ACOX1: variants seen among roughly 807,000 people sequenced by gnomAD.
The protein encoded by ACOX1 is peroxisomal acyl-coenzyme A oxidase 1.
ACOX1 carries 41 observed loss-of-function variants against 75.5 expected under a neutral mutation model. The ratio of observed to expected loss-of-function variants is 0.54; its 90% CI spans 0.42 to 0.70. The LOEUF (loss-of-function observed/expected upper bound fraction) is 0.70, where lower values mean the gene tolerates loss of function less well. Ranked by LOEUF, ACOX1 falls within the 30% of genes least tolerant of loss-of-function variation. The pLI, the probability that ACOX1 is intolerant of heterozygous loss-of-function variation, is 0.00. For missense variants in ACOX1, 630 were observed against 837.5 expected (o/e 0.75, Z 3.06); for synonymous variants, 303 against 298.8 (o/e 1.01, Z -0.15).
Position 75,948,515 on chromosome 17 carries a change from T to G in ACOX1, c.1729-58A>C, listed in dbSNP as rs2666005. On this transcript the variant is annotated intron_variant, in intron 12 of 13. Coordinates refer to ENST00000293217, the MANE Select transcript of ACOX1 (RefSeq NM_004035.7). ...ATATATGTATATAGATAGACATAAT[T>G]ATATGCATATACAGCTATAAAGCGG... The G allele has an allele frequency of 0.26, 362,410 of 1,402,386 alleles. 47,374 individuals carry two copies. Among genetic ancestry groups the G allele is most frequent in the Middle Eastern group, 0.33 (1,494 of 4,588 alleles). The allele number at this position is 1,402,386 out of a possible 1,614,324, so 86.9% of individuals were successfully genotyped here.
intron 13 of ACOX1, among the ~76,000 whole-genome samples, chr17:75,947,731 CAG>C (rs2065735033): frequency 7.2e-6 from 1 of 139,424 alleles, no homozygotes; most frequent in African/African-American, 2.7e-5. Context: ...TTTTTTGAGA[CAG>C]AGTTTTGCTC....
rs2065760308 is a variant in ACOX1 at position 75,950,057 on chromosome 17, C to A, written c.1299-160G>T. Among the ~76,000 whole-genome samples the A allele has an allele frequency of 6.6e-6, 1 of 152,112 alleles. No homozygotes were observed. Among genetic ancestry groups the A allele is most frequent in the African/African-American group, 2.4e-5 (1 of 41,398 alleles). On this transcript the variant is annotated intron_variant, in intron 9 of 13. Coordinates refer to ENST00000293217, the MANE Select transcript of ACOX1 (RefSeq NM_004035.7). The surrounding 1 kb of genome is among the most constrained non-coding windows in gnomAD (Gnocchi z 4.3). ...TGGGTTCAAATGAATGATTCTCCTG[C>A]CTCAGCCTCCCAAGTAGCTGGGACT...
At chr17:75,961,168 C>T (rs2144273875) in intron 2 of ACOX1, among the ~76,000 whole-genome samples, 1 of 151,052 alleles carries the variant, frequency 6.6e-6, no homozygotes, top group Non-Finnish European at 1.5e-5. Flanking sequence ...TGGTGCACAC[C>T]TGTAATCCCA....
chr17:75,971,741 C>CAAAAA (rs11324447), intron 2 of ACOX1, among the ~76,000 whole-genome samples: 2,088 of 115,958 alleles, frequency 0.018, 34 homozygotes, highest in East Asian at 0.1. Context: ...GACTCTGACT[C>CAAAAA]AAAAAAAAAA....
chr17:75,958,789 C>G (rs1049146029), intron 3 of ACOX1, among the ~76,000 whole-genome samples: 9 of 125,334 alleles, frequency 7.2e-5, no homozygotes, highest in Non-Finnish European at 1.4e-4. Context: ...GCCTGGGCGA[C>G]AGAGCACGAC....
chr17:75,966,102 G>A (rs985156973), intron 2 of ACOX1, among the ~76,000 whole-genome samples: 6 of 149,528 alleles, frequency 4.0e-5, no homozygotes, highest in Admixed American at 4.0e-4. Context: ...TGCACTCCAG[G>A]CTGGGTGACA....
chr17:75,967,682 GTATATATATACATACATATATATACATA>G (rs2065948841), intron 2 of ACOX1, among the ~76,000 whole-genome samples: 1 of 90,820 alleles, frequency 1.1e-5, no homozygotes, highest in African/African-American at 6.8e-5. Context: ...ATATATATAC[GTATATATATACATACATATATATACATA>G]TATATATACA....
chr17:75,972,303 G>C (rs2066003174), intron 2 of ACOX1, among the ~76,000 whole-genome samples: 1 of 147,692 alleles, frequency 6.8e-6, no homozygotes, highest in South Asian at 2.2e-4. Flanking sequence ...CTCCAGCCTG[G>C]GCGACAGAGT....
chr17:75,951,681 T>C, intron 7 of ACOX1, 104 bp from the exon 8 acceptor site: 1 of 1,193,526 alleles, frequency 8.4e-7, no homozygotes. Flanking sequence ...ACTTATTTAG[T>C]CCTCTTAAGG....
rs1292950593 is a variant in ACOX1, at chr17:75,967,663, TATATATAC to T, written c.270-7296_270-7289del. On this transcript the variant is annotated intron_variant, in intron 2 of 13. Transcript: ENST00000293217. ...ATATATACGTATATATATACATACA[TATATATAC>T]ATATATATACGTATATATATACATA... is the stretch of plus-strand genomic sequence containing the variant. Among the ~76,000 whole-genome samples the T allele has an allele frequency of 9.3e-4, 94 of 101,192 alleles. 3 individuals are homozygous for T. Among genetic ancestry groups the T allele is most frequent in the South Asian group, 8.5e-3 (33 of 3,872 alleles). The allele number at this position is 101,192 out of a possible 152,430, so 66.4% of individuals were successfully genotyped here.
In ACOX1 at chr17:75,951,555, C is replaced by T. The variant is rs777075236; in HGVS notation, c.967G>A (p.Asp323Asn). Residue 323 changes from aspartate (D) to asparagine (N), a missense_variant, in exon 8 of 14, where the codon GAT (aspartate) becomes AAT (asparagine). Asp to Asn is a conservative substitution (Grantham distance 23). Around this residue, in one of 2 missense-constraint regions of ACOX1, gnomAD observed 390 missense variants for 574.9 expected, o/e 0.68. Coordinates refer to ENST00000293217, the MANE Select transcript of ACOX1 (RefSeq NM_004035.7). Reference sequence around the variant, plus strand: ...AGTTTATACTGCTGGGTTTGAAAATCCAAAATCTGTGGTTCTGGTTCACTA... The same window carrying T: ...AGTTTATACTGCTGGGTTTGAAAATTCAAAATCTGTGGTTCTGGTTCACTA... ...KPGEPEPQIL[D>N]FQTQQYKLFP... is the part of the protein sequence containing the mutation. 1 of 1,614,022 alleles carries T rather than the reference C, an allele frequency of 6.2e-7. No homozygotes were observed. The highest frequency in any genetic ancestry group is 1.7e-5 in the Admixed American group (1 of 59,994).
rs149370934 is a variant in ACOX1 at position 75,978,082 on chromosome 17, C to CTTTATTTATTTATTTATTTA, written c.269+432_269+451dup. On this transcript the variant is annotated intron_variant, in intron 2 of 13. Transcript: ENST00000293217. This position sits in a 1 kb window ranked among gnomAD's most constrained non-coding sequence, Gnocchi z 4.2. ...ATCACATTATTTTTCACACATATAACTTTATTTATTTATTTATTTATTTAT... is the reference window on the plus strand; with the variant it reads ...ATCACATTATTTTTCACACATATAACTTTATTTATTTATTTATTTATTTATTTATTTATTTATTTATTTAT... Among the ~76,000 whole-genome samples the CTTTATTTATTTATTTATTTA allele has an allele frequency of 4.2e-3, 642 of 151,512 alleles. 5 individuals are homozygous for CTTTATTTATTTATTTATTTA. The highest frequency in any genetic ancestry group is 0.013 in the East Asian group (67 of 5,156).
chr17:75,953,819 CTTCCAGGTG>C (rs1049744703), intron 6 of ACOX1, among the ~76,000 whole-genome samples, 199 bp from the exon 7 acceptor site: 2 of 152,220 alleles, frequency 1.3e-5, no homozygotes, highest in Non-Finnish European at 2.9e-5. Context: ...TTTAACTGGC[CTTCCAGGTG>C]ATTCTAACGC....
At position 75,960,495 on chromosome 17, in the gene ACOX1, G is replaced by A. The variant is rs1308621809; in HGVS notation, c.270-120C>T. The A allele has an allele frequency of 1.0e-6, 1 of 978,464 alleles. No homozygotes were observed. Among genetic ancestry groups the A allele is most frequent in the African/African-American group, 1.6e-5 (1 of 62,198 alleles). The allele number at this position is 978,464 out of a possible 1,614,324, so 60.6% of individuals were successfully genotyped here. A position where few individuals can be genotyped will look rare whatever the true frequency, so the allele number is the denominator to read the frequency against. On this transcript the variant is annotated intron_variant, in intron 2 of 13. Coordinates refer to ENST00000293217, the MANE Select transcript of ACOX1 (RefSeq NM_004035.7). This position sits in a 1 kb window ranked among gnomAD's most constrained non-coding sequence, Gnocchi z 4.4. ...AACCTTAAGTATGAATTAGTTGCGT[G>A]CACTTAATCATAGATGGGAGCACTG...
At chr17:75,954,859 C>T (rs920652649) in intron 6 of ACOX1, among the ~76,000 whole-genome samples, 3 of 150,134 alleles carry the variant, frequency 2.0e-5, no homozygotes, top group East Asian at 2.0e-4. Context: ...CATGAGCCAC[C>T]GCGCCCAGCC....
intron 2 of ACOX1, among the ~76,000 whole-genome samples, chr17:75,977,846 A>C (rs1418655242): frequency 6.6e-6 from 1 of 152,152 alleles, no homozygotes; most frequent in Non-Finnish European, 1.5e-5. Flanking sequence ...AAAAAAAAAA[A>C]TGCTCCCAGA....
intron 2 of ACOX1, among the ~76,000 whole-genome samples, chr17:75,968,684 A>G (rs1724492356): frequency 6.7e-6 from 1 of 150,342 alleles, no homozygotes; most frequent in South Asian, 2.1e-4. Context: ...GCACTTTGGG[A>G]GGCTGAAGCG....
At chr17:75,975,644 A>C (rs904674594) in intron 2 of ACOX1, among the ~76,000 whole-genome samples, 1 of 152,182 alleles carries the variant, frequency 6.6e-6, no homozygotes, top group Non-Finnish European at 1.5e-5. Context: ...CATTAACATC[A>C]GTTAAAAATG....
At chr17:75,961,898 T>G (rs2065892173) in intron 2 of ACOX1, among the ~76,000 whole-genome samples, 1 of 151,394 alleles carries the variant, frequency 6.6e-6, no homozygotes, top group South Asian at 2.1e-4. Flanking sequence ...AGAATTTGAG[T>G]GGTACTGGTA....
Sources: gnomAD v4.1 joint callset for allele counts (sites outside exome capture counted in the v4.1 genomes callset) on GRCh38, gnomAD v4.1.1 for gene constraint, gnomAD v4.1.1 regional missense constraint, Gnocchi (gnomAD v3.1) non-coding constraint, MANE v1.5 for transcripts, NCBI Gene and HGNC (gene_info 2026-07-23, HGNC 2026-07-21) for gene names.